The following COL14A1 variants were observed in gnomAD, a reference collection of about 807,000 sequenced individuals.
COL14A1 encodes collagen type XIV alpha 1 chain, also known as collagen alpha-1(XIV) chain.
A neutral mutation model predicts 230.3 loss-of-function variants in COL14A1; 136 were observed. The ratio of observed to expected loss-of-function variants is 0.59; its 90% CI spans 0.51 to 0.68. COL14A1 has a LOEUF of 0.68. Among genes scored for constraint, COL14A1 ranks in the 30% least tolerant of loss-of-function variants. The probability of loss-of-function intolerance (pLI) is 0.00; values close to 1 mark genes in which losing one functional copy is unlikely to be tolerated. For synonymous variants in COL14A1, 792 were observed against 784.1 expected (o/e 1.01, Z -0.17); for missense variants, 1,976 against 2,215.8 (o/e 0.89, Z 2.17).
intron 1 of COL14A1, among the ~76,000 whole-genome samples, chr8:120,138,305 A>T (rs570011902): frequency 6.6e-6 from 1 of 152,274 alleles, no homozygotes; most frequent in African/African-American, 2.4e-5. Flanking sequence ...CATATTTATG[A>T]TTAATTTTTC....
At chr8:120,191,941 CTGCACGTG>C (rs1458521823) in intron 5 of COL14A1, among the ~76,000 whole-genome samples, 1 of 151,826 alleles carries the variant, frequency 6.6e-6, no homozygotes, top group Admixed American at 6.6e-5. Context: ...ATGTATGTCT[CTGCACGTG>C]AGATGGGTTT....
chr8:120,246,790 A>G (rs1818781174), intron 20 of COL14A1, among the ~76,000 whole-genome samples: 1 of 152,226 alleles, frequency 6.6e-6, no homozygotes, highest in African/African-American at 2.4e-5. Flanking sequence ...AATTTACAAC[A>G]GTCCTCCATA....
chr8:120,358,208 G>A (rs1349125142), intron 45 of COL14A1, among the ~76,000 whole-genome samples: 1 of 152,022 alleles, frequency 6.6e-6, no homozygotes, highest in African/African-American at 2.4e-5. Flanking sequence ...TAAATCAATG[G>A]CTGATTAATC....
At position 120,371,261 on chromosome 8, in the gene COL14A1, G is replaced by A. The variant is rs751985718; in HGVS notation, c.*30G>A. Reference sequence around the variant, plus strand: ...CTCAGGAGAAATTTGAAGACCAACTGCAAGAACTCTTAAGGAATCTTGTTT... The same window carrying A: ...CTCAGGAGAAATTTGAAGACCAACTACAAGAACTCTTAAGGAATCTTGTTT... On this transcript the variant is annotated 3_prime_UTR_variant, in exon 48 of 48. Coordinates refer to ENST00000297848, the MANE Select transcript of COL14A1 (RefSeq NM_021110.4). The A allele has an allele frequency of 1.3e-5, 20 of 1,545,026 alleles. 1 individual carries two copies. Among genetic ancestry groups the A allele is most frequent in the Non-Finnish European group, 1.7e-5 (19 of 1,123,818 alleles).
intron 32 of COL14A1, among the ~76,000 whole-genome samples, chr8:120,284,784 C>T (rs1345536341): frequency 6.6e-6 from 1 of 152,000 alleles, no homozygotes; most frequent in Non-Finnish European, 1.5e-5. Flanking sequence ...GACTAGCTTG[C>T]TCCTTTTGAA....
intron 42 of COL14A1, among the ~76,000 whole-genome samples, chr8:120,336,939 C>T (rs1047238478): frequency 2.6e-5 from 4 of 152,274 alleles, no homozygotes; most frequent in Middle Eastern, 3.4e-3. Flanking sequence ...CCTGTCCCTT[C>T]GCAGGCTGTT....
At chr8:120,288,090 C>T (rs545075765) in intron 33 of COL14A1, among the ~76,000 whole-genome samples, 35 of 151,302 alleles carry the variant, frequency 2.3e-4, no homozygotes, top group African/African-American at 8.2e-4. Flanking sequence ...GGCAGGGGTA[C>T]TAGAAACTAA....
At chr8:120,293,968 C>T (rs1191059566) in intron 34 of COL14A1, among the ~76,000 whole-genome samples, 2 of 151,712 alleles carry the variant, frequency 1.3e-5, no homozygotes, top group African/African-American at 4.8e-5. Context: ...CAATAGTTGA[C>T]AAGTGGTAAA....
intron 40 of COL14A1, among the ~76,000 whole-genome samples, chr8:120,330,335 C>T (rs951551915): frequency 2.0e-5 from 3 of 152,144 alleles, no homozygotes; most frequent in Non-Finnish European, 4.4e-5. Context: ...TATTATTATT[C>T]TCACGCTGCT....
chr8:120,184,224 G>GATTT (rs10689956), intron 5 of COL14A1, among the ~76,000 whole-genome samples: 60,729 of 135,166 alleles, frequency 0.45, 13,947 homozygotes, highest in South Asian at 0.51. Context: ...GGGGGGAAGA[G>GATTT]ATTTATTTAT....
intron 1 of COL14A1, among the ~76,000 whole-genome samples, chr8:120,132,160 G>A (rs1198835488): frequency 1.3e-5 from 2 of 151,872 alleles, no homozygotes; most frequent in African/African-American, 4.8e-5. Context: ...TATTTGCTAG[G>A]TTTTCTTCTA....
At chr8:120,197,471 C>T (rs1817078187) in intron 6 of COL14A1, among the ~76,000 whole-genome samples, 2 of 151,460 alleles carry the variant, frequency 1.3e-5, no homozygotes, top group South Asian at 4.2e-4. Flanking sequence ...TTTTAAATAG[C>T]CATTAAGAAA....
Position 120,217,956 on chromosome 8 carries a change from AAT to A in COL14A1, c.1737+1474_1737+1475del, listed in dbSNP as rs202126400. Reference sequence around the variant, plus strand: ...GAGGCTAACTTAGGCTATATTATATAATATATATAATTTAAATATATAATATA... The same window carrying A: ...GAGGCTAACTTAGGCTATATTATATAATATATAATTTAAATATATAATATA... On this transcript the variant is annotated intron_variant, in intron 14 of 47. Transcript: ENST00000297848. 2.6e-3 allele frequency among the ~76,000 whole-genome samples: 375 copies of A among 142,940 alleles called. 4 individuals carry two copies. The highest frequency in any genetic ancestry group is 9.3e-3 in the African/African-American group (363 of 39,042). The allele number at this position is 142,940 out of a possible 152,430, so 93.8% of individuals were successfully genotyped here.
chr8:120,290,921 A>C (rs1446515084), intron 34 of COL14A1, among the ~76,000 whole-genome samples: 2 of 152,210 alleles, frequency 1.3e-5, no homozygotes, highest in Admixed American at 1.3e-4. Flanking sequence ...TAACACTTAC[A>C]GTTGAAGTAT....
chr8:120,134,502 G>A (rs1814645533), intron 1 of COL14A1, among the ~76,000 whole-genome samples: 1 of 151,936 alleles, frequency 6.6e-6, no homozygotes, highest in African/African-American at 2.4e-5. Flanking sequence ...AATTGAAAAT[G>A]TAAGAATACT....
intron 45 of COL14A1, 64 bp downstream of exon 45, chr8:120,345,627 T>C (rs900093080): frequency 1.3e-4 from 164 of 1,299,186 alleles, no homozygotes; most frequent in Admixed American, 1.8e-4. Flanking sequence ...CAGAACATTA[T>C]AGTGGTTCTT....
intron 45 of COL14A1, among the ~76,000 whole-genome samples, chr8:120,362,668 G>T (rs779496992): frequency 6.6e-5 from 10 of 152,168 alleles, no homozygotes; most frequent in Non-Finnish European, 1.3e-4. Context: ...GGAGGATGTT[G>T]TACAATGAGC....
intron 40 of COL14A1, among the ~76,000 whole-genome samples, chr8:120,323,290 A>C (rs1300905301): frequency 6.7e-6 from 1 of 149,234 alleles, no homozygotes; most frequent in African/African-American, 2.5e-5. Context: ...AAGTTTGTTT[A>C]AGTCCCTTTG....
chr8:120,153,267 C>A (rs1277113825), intron 2 of COL14A1, among the ~76,000 whole-genome samples: 2 of 152,270 alleles, frequency 1.3e-5, no homozygotes, highest in East Asian at 3.9e-4. Context: ...ATCATGGCCT[C>A]CACGTCCTGG....
Sources: allele counts gnomAD v4.1 joint callset (sites outside exome capture counted in the v4.1 genomes callset), GRCh38; gene constraint gnomAD v4.1.1; transcripts MANE v1.5; gene names NCBI Gene and HGNC (gene_info 2026-07-23, HGNC 2026-07-21).